Variants in SMG9 observed in about 807,000 individuals in gnomAD.
SMG9 encodes SMG9 nonsense mediated mRNA decay factor.
SMG9 carries 55 observed loss-of-function variants against 64.0 expected under a neutral mutation model. That is an observed-to-expected ratio of 0.86 (90% CI 0.69 to 1.08). The LOEUF (loss-of-function observed/expected upper bound fraction) is 1.08. Ranked by LOEUF, SMG9 falls within the 50% of genes least tolerant of loss-of-function variation. The probability of loss-of-function intolerance (pLI) is 0.00; values close to 1 mark genes in which losing one functional copy is unlikely to be tolerated. For synonymous variants in SMG9, 244 were observed against 254.8 expected (o/e 0.96, Z 0.41); for missense variants, 554 against 681.3 (o/e 0.81, Z 2.08).
Position 43,750,388 on chromosome 19 carries a change from C to CT in SMG9, c.150+203dup. ...TTCTCTCATCTCCTTCAAGTCTCTG[C>CT]TAAAAAGTCACCTCTTCAGAGAGAC... On this transcript the variant is annotated intron_variant, in intron 2 of 13. Transcript: ENST00000270066. 1.3e-5 allele frequency: 9 copies of CT among 713,634 alleles called. No homozygotes were observed. The South Asian group carries it at 1.4e-4, about 11-fold the overall frequency. 44.2% of individuals were successfully genotyped at this position (713,634 alleles called of 1,614,324 possible).
In SMG9 at chr19:43,733,711, G is replaced by T; in HGVS notation, c.1125C>A (p.Arg375=). The T allele has an allele frequency of 6.2e-7, 1 of 1,614,164 alleles. No homozygotes were observed. The highest frequency in any genetic ancestry group is 1.3e-5 in the African/African-American group (1 of 75,030). Residue 375 remains arginine, a synonymous_variant, in exon 11 of 14, where the codon CGC becomes CGA. Coordinates refer to ENST00000270066, the MANE Select transcript of SMG9 (RefSeq NM_019108.4). ...GCTTCCGAGGACAGAAGTCCTCTCG[G>T]CGAGCTTTGTTCTGCAAGAAGACTG... The part of the protein sequence containing the change: ...PHLVFLQNKA[R]REDFCPRKLR...
At chr19:43,746,080 G>C (rs2146395552) in intron 5 of SMG9, among the ~76,000 whole-genome samples, 1 of 152,306 alleles carries the variant, frequency 6.6e-6, no homozygotes, top group South Asian at 2.1e-4. Context: ...AGCTGAGGCT[G>C]GAGAACTGCT....
At chr19:43,745,933 G>A (rs886579200) in intron 5 of SMG9, among the ~76,000 whole-genome samples, 1 of 152,184 alleles carries the variant, frequency 6.6e-6, no homozygotes, top group Admixed American at 6.5e-5. Context: ...CCCGGGAGGC[G>A]GGGGTTGCGG....
chr19:43,733,127 T>A (rs1353523000), intron 12 of SMG9, 125 bp from the exon 13 acceptor site: 2 of 1,343,422 alleles, frequency 1.5e-6, no homozygotes, highest in Non-Finnish European at 2.0e-6. Flanking sequence ...CCTGTACTTC[T>A]ATGACTCTGA....
intron 1 of SMG9, among the ~76,000 whole-genome samples, chr19:43,752,229 T>C (rs10423765): frequency 6.6e-6 from 1 of 152,200 alleles, no homozygotes; most frequent in Non-Finnish European, 1.5e-5. Flanking sequence ...CCAGTGTTTA[T>C]TCTATTTGAG....
rs1445886817 is a variant in SMG9, at chr19:43,754,874, G to A, written c.-227C>T. On this transcript the variant is annotated 5_prime_UTR_variant, in exon 1 of 14. Transcript: ENST00000270066. ...AGCTGGGCCGAAGGAAGAAGAGGAG[G>A]AGGATGTAACGCGGGCCCGAGCTGA... 1 of 152,406 alleles carries A rather than the reference G, an allele frequency of 6.6e-6. No homozygotes were observed. The highest frequency in any genetic ancestry group is 6.5e-5 in the Admixed American group (1 of 15,290). The allele number at this position is 152,406 out of a possible 1,614,324, so 9.4% of individuals were successfully genotyped here.
At chr19:43,734,555 G>C in intron 9 of SMG9, 60 bp from the exon 10 acceptor site, 2 of 1,144,626 alleles carry the variant, frequency 1.7e-6, no homozygotes, top group Non-Finnish European at 2.6e-6. Flanking sequence ...CCCACAGCCT[G>C]GGACAGGGGC....
At chr19:43,753,730 G>C (rs905551430) in intron 1 of SMG9, among the ~76,000 whole-genome samples, 1 of 151,862 alleles carries the variant, frequency 6.6e-6, no homozygotes, top group African/African-American at 2.4e-5. Flanking sequence ...CAAAGTGATC[G>C]GATTCCCCGG....
intron 11 of SMG9, 77 bp downstream of exon 11, chr19:43,733,549 G>A (rs891452714): frequency 6.2e-7 from 1 of 1,606,522 alleles, no homozygotes; most frequent in Non-Finnish European, 8.5e-7. Context: ...ACTAGTCTGG[G>A]GGTAGAGACT....
chr19:43,739,761 T>C (rs1307608562), intron 7 of SMG9: 4 of 290,384 alleles, frequency 1.4e-5, no homozygotes, highest in African/African-American at 8.8e-5. Context: ...TTACCATCCC[T>C]ATTTACAGAT....
Position 43,728,343 on chromosome 19 carries a change from G to A in SMG9, c.*3253C>T. 6.5e-6 allele frequency: 1 copy of A among 153,554 alleles called. No homozygotes were observed. Among genetic ancestry groups the A allele is most frequent in the Non-Finnish European group, 1.4e-5 (1 of 68,986 alleles). The allele number at this position is 153,554 out of a possible 1,614,324, so 9.5% of individuals were successfully genotyped here. Reference sequence around the variant, plus strand: ...CTGCCCCCTCTTGCTCCTGCTCTGGGCATGTGAAGTACCTGCTCCCAGTTC... The same window carrying A: ...CTGCCCCCTCTTGCTCCTGCTCTGGACATGTGAAGTACCTGCTCCCAGTTC... On this transcript the variant is annotated 3_prime_UTR_variant, in exon 14 of 14. Transcript: ENST00000270066.
In SMG9 at chr19:43,731,804, A is replaced by G. The variant is rs781571966; in HGVS notation, c.1485-130T>C. Reference sequence around the variant, plus strand: ...GTGACTCTGAGCCTCTTGGAACCCAATCTCCTCGACTGGGATACAGGGAGG... The same window carrying G: ...GTGACTCTGAGCCTCTTGGAACCCAGTCTCCTCGACTGGGATACAGGGAGG... On this transcript the variant is annotated intron_variant, in intron 13 of 13. Transcript: ENST00000270066. 874 of 1,094,164 alleles carry G rather than the reference A, an allele frequency of 8.0e-4. 2 individuals carry two copies. The highest frequency in any genetic ancestry group is 7.9e-4 in the Non-Finnish European group (595 of 757,448). 67.8% of individuals were successfully genotyped at this position (1,094,164 alleles called of 1,614,324 possible).
chr19:43,734,279 C>G (rs907938726), intron 10 of SMG9, 110 bp downstream of exon 10: 2 of 874,076 alleles, frequency 2.3e-6, no homozygotes, highest in African/African-American at 3.4e-5. Context: ...AAGTGCTCCA[C>G]CCAGAACCCC....
At chr19:43,743,640 G>A (rs1968908743) in intron 6 of SMG9, among the ~76,000 whole-genome samples, 1 of 152,098 alleles carries the variant, frequency 6.6e-6, no homozygotes, top group South Asian at 2.1e-4. Flanking sequence ...TACCAAAAAA[G>A]TTAAAAACCA....
intron 7 of SMG9, among the ~76,000 whole-genome samples, chr19:43,739,244 T>A (rs1275411815): frequency 6.6e-6 from 1 of 152,246 alleles, no homozygotes; most frequent in African/African-American, 2.4e-5. Flanking sequence ...CCTATTGTAC[T>A]GATAATGGTA....
rs1968391068 is a variant in SMG9, at chr19:43,729,115, G to A, written c.*2481C>T. ...CCCACTGTTCAGAAGGCTACTGCCA[G>A]TTTGACTCCTCTGTCAAACTGCCTC... On this transcript the variant is annotated 3_prime_UTR_variant, in exon 14 of 14. Transcript: ENST00000270066. The A allele has an allele frequency of 2.4e-6, 2 of 847,918 alleles. No individual in the cohort carries two copies. Among genetic ancestry groups the A allele is most frequent in the Non-Finnish European group, 2.8e-6 (2 of 704,634 alleles). The allele number at this position is 847,918 out of a possible 1,614,324, so 52.5% of individuals were successfully genotyped here. A position where few individuals can be genotyped will look rare whatever the true frequency, so the allele number is the denominator to read the frequency against.
chr19:43,728,940 G>A lies in SMG9; in HGVS notation c.*2656C>T, dbSNP rs1968385266. 3 of 977,606 alleles carry A rather than the reference G, an allele frequency of 3.1e-6. No individual in the cohort carries two copies. Among genetic ancestry groups the A allele is most frequent in the Non-Finnish European group, 3.6e-6 (3 of 822,724 alleles). 60.6% of individuals were successfully genotyped at this position (977,606 alleles called of 1,614,324 possible). On this transcript the variant is annotated 3_prime_UTR_variant, in exon 14 of 14. Transcript: ENST00000270066. Reference sequence around the variant, plus strand: ...AGAGCCACAAGCAGCAGGCATTCCTGGTGGCCAGGCCCATCTTGCAGCCCA... The same window carrying A: ...AGAGCCACAAGCAGCAGGCATTCCTAGTGGCCAGGCCCATCTTGCAGCCCA...
At position 43,730,075 on chromosome 19, in the gene SMG9, A is replaced by AG. The variant is rs1312071465; in HGVS notation, c.*1520dup. ...CCCCTCACTTCAGTTGTTTCTCACA[A>AG]GGCCCTGGATCCCCATGGTATGAAA... On this transcript the variant is annotated 3_prime_UTR_variant, in exon 14 of 14. Transcript: ENST00000270066. The AG allele has an allele frequency of 2.6e-5, 4 of 152,212 alleles. No homozygotes were observed. Among genetic ancestry groups the AG allele is most frequent in the Admixed American group, 2.6e-4 (4 of 15,282 alleles). 9.4% of individuals were successfully genotyped at this position (152,212 alleles called of 1,614,324 possible).
intron 1 of SMG9, 106 bp from the exon 2 acceptor site, chr19:43,750,853 G>T: frequency 9.4e-7 from 1 of 1,069,054 alleles, no homozygotes; most frequent in Non-Finnish European, 1.3e-6. Context: ...TGGAGATGGA[G>T]TCTCTCTGTC....
Sources: allele counts gnomAD v4.1 joint callset (sites outside exome capture counted in the v4.1 genomes callset), GRCh38; gene constraint gnomAD v4.1.1; transcripts MANE v1.5; gene names NCBI Gene and HGNC (gene_info 2026-07-23, HGNC 2026-07-21).